The following GLIS3 variants were observed in gnomAD, a reference collection of about 807,000 sequenced individuals.
The protein encoded by GLIS3 is zinc finger protein GLIS3.
GLIS3 carries 53 observed loss-of-function variants against 78.6 expected under a neutral mutation model. That is an observed-to-expected ratio of 0.67 (90% CI 0.54 to 0.85). The LOEUF (loss-of-function observed/expected upper bound fraction) is 0.85. Among genes scored for constraint, GLIS3 ranks in the 40% least tolerant of loss-of-function variants. The pLI is 0.00. For missense variants in GLIS3, 1,703 were observed against 1,231.1 expected, an observed-to-expected ratio of 1.38 and a Z score of -5.74; for synonymous variants, 684 against 509.9, an observed-to-expected ratio of 1.34 and a Z score of -4.60.
intron 2 of GLIS3, among the ~76,000 whole-genome samples, chr9:4,215,495 G>C (rs904038178): frequency 6.6e-5 from 10 of 152,064 alleles, no homozygotes; most frequent in African/African-American, 2.4e-4. Context: ...AAATCTGTTT[G>C]GTCTTATTAC....
At chr9:4,449,288 G>C in the GLIS3 span, among the ~76,000 whole-genome samples, 1 of 152,210 alleles carries the variant, frequency 6.6e-6, no homozygotes, top group Non-Finnish European at 1.5e-5. Flanking sequence ...CCATTGCTGA[G>C]GCTTGAGTAG....
the GLIS3 span, among the ~76,000 whole-genome samples, chr9:4,354,472 T>A: frequency 5.3e-5 from 8 of 152,126 alleles, no homozygotes; most frequent in Admixed American, 6.6e-5. Flanking sequence ...ATACACTACA[T>A]CCCAGGATCT....
At chr9:4,321,461 A>AAAAAAAAAAC (rs1563932116) in intron 2 of GLIS3, among the ~76,000 whole-genome samples, 1 of 140,920 alleles carries the variant, frequency 7.1e-6, no homozygotes, top group Non-Finnish European at 1.5e-5. Context: ...AAAAAAAAAA[A>AAAAAAAAAAC]AATCAGGTGC....
chr9:4,236,079 C>T (rs1013386874), intron 2 of GLIS3, among the ~76,000 whole-genome samples: 8 of 149,304 alleles, frequency 5.4e-5, no homozygotes, highest in Middle Eastern at 3.2e-3. Context: ...TTGTTGACAA[C>T]TGGAGACAAA....
intron 4 of GLIS3, among the ~76,000 whole-genome samples, chr9:4,047,798 A>G (rs1588533874): frequency 6.6e-6 from 1 of 152,298 alleles, no homozygotes; most frequent in East Asian, 1.9e-4. Context: ...CCTGGGTGTT[A>G]TGGCTCCAAA....
At chr9:3,934,110 G>A (rs1825764434) in intron 5 of GLIS3, among the ~76,000 whole-genome samples, 2 of 152,118 alleles carry the variant, frequency 1.3e-5, no homozygotes, top group African/African-American at 4.8e-5. Flanking sequence ...GTTTATTATT[G>A]GCTAAAGTCA....
At chr9:4,248,358 G>A (rs1824008234) in intron 2 of GLIS3, among the ~76,000 whole-genome samples, 1 of 151,860 alleles carries the variant, frequency 6.6e-6, no homozygotes, top group Non-Finnish European at 1.5e-5. Context: ...CTTTTCCTGT[G>A]TTGATTTGCT....
chr9:4,280,266 G>A lies in GLIS3; in HGVS notation c.388+5772C>T, dbSNP rs185760759. On this transcript the variant is annotated intron_variant, in intron 2 of 10. Coordinates refer to ENST00000381971, the MANE Select transcript of GLIS3 (RefSeq NM_001042413.2). ...TTGAGCTCCTGGCCTCAAGCCATCCGCCCACCGTGGCATCCCAAAGTGCTG... is the reference window on the plus strand; with the variant it reads ...TTGAGCTCCTGGCCTCAAGCCATCCACCCACCGTGGCATCCCAAAGTGCTG... 1.2e-4 allele frequency among the ~76,000 whole-genome samples: 18 copies of A among 152,330 alleles called. No homozygotes were observed. The South Asian group carries it at 1.7e-3, about 14-fold the overall frequency.
intron 2 of GLIS3, among the ~76,000 whole-genome samples, chr9:4,343,527 C>T (rs1295845639): frequency 6.6e-6 from 1 of 152,198 alleles, no homozygotes; most frequent in East Asian, 1.9e-4. Context: ...GAACCTAAAA[C>T]TGAACTACCA....
intron 8 of GLIS3, among the ~76,000 whole-genome samples, chr9:3,867,970 G>A (rs1330392828): frequency 2.6e-5 from 4 of 152,180 alleles, no homozygotes; most frequent in Non-Finnish European, 4.4e-5. Flanking sequence ...CATGGCACAA[G>A]GTGAGCCCCC....
At chr9:4,055,520 T>C (rs1032411472) in intron 4 of GLIS3, among the ~76,000 whole-genome samples, 2 of 152,156 alleles carry the variant, frequency 1.3e-5, no homozygotes, top group Non-Finnish European at 2.9e-5. Flanking sequence ...GCTTAAAATA[T>C]GTCATTACAC....
rs541264817 is a variant in GLIS3, at chr9:4,296,958, T to C, written c.-99+2463A>G. ...ATAATCTAACACTCTCCTGTCTAAA[T>C]TGCTTCAAACTTTCTCAGAACGACC... On this transcript the variant is annotated intron_variant, in intron 1 of 10. Transcript: ENST00000381971. 2.7e-4 allele frequency among the ~76,000 whole-genome samples: 41 copies of C among 150,588 alleles called. No individual in the cohort carries two copies. In the East Asian group the frequency reaches 7.8e-3, roughly 29 times the overall value.
At chr9:3,891,277 G>A (rs12236568) in intron 7 of GLIS3, among the ~76,000 whole-genome samples, 35,358 of 152,030 alleles carry the variant, frequency 0.23, 4,225 homozygotes, top group African/African-American at 0.28. Flanking sequence ...TAATCCAGCA[G>A]TTGATCGCAC....
chr9:4,154,478 T>C (rs1001945899), intron 2 of GLIS3, among the ~76,000 whole-genome samples: 8 of 152,172 alleles, frequency 5.3e-5, no homozygotes, highest in African/African-American at 1.9e-4. Flanking sequence ...TAAACAGATA[T>C]AACTACAAAA....
the GLIS3 span, among the ~76,000 whole-genome samples, chr9:4,447,622 C>T: frequency 0.21 from 31,771 of 152,150 alleles, 3,465 homozygotes; most frequent in Middle Eastern, 0.3. Flanking sequence ...CCACTAATCT[C>T]CCTTCCTGAA....
chr9:4,264,803 A>G (rs569606986), intron 2 of GLIS3, among the ~76,000 whole-genome samples: 1 of 152,180 alleles, frequency 6.6e-6, no homozygotes, highest in South Asian at 2.1e-4. Context: ...TCATTAGAAC[A>G]TAAGGTGAGT....
chr9:4,143,413 A>T (rs1053455738), intron 2 of GLIS3, among the ~76,000 whole-genome samples: 2 of 151,954 alleles, frequency 1.3e-5, no homozygotes, highest in African/African-American at 4.8e-5. Context: ...CTAAAAATAC[A>T]AAAATTAGCC....
chr9:4,236,437 C>T (rs867773411), intron 2 of GLIS3, among the ~76,000 whole-genome samples: 4 of 152,112 alleles, frequency 2.6e-5, no homozygotes, highest in African/African-American at 7.2e-5. Flanking sequence ...CCTTTTCCTC[C>T]CTTTTCCACA....
intron 3 of GLIS3, among the ~76,000 whole-genome samples, chr9:4,121,440 G>C (rs1832173003): frequency 6.6e-6 from 1 of 152,144 alleles, no homozygotes; most frequent in Non-Finnish European, 1.5e-5. Flanking sequence ...AAAAACTGTT[G>C]ATTAGGAAAG....
Sources: allele counts gnomAD v4.1 joint callset (sites outside exome capture counted in the v4.1 genomes callset), GRCh38; gene constraint gnomAD v4.1.1; transcripts MANE v1.5; gene names NCBI Gene and HGNC (gene_info 2026-07-23, HGNC 2026-07-21).